The following COMMD10 variants were observed in gnomAD, a reference collection of about 807,000 sequenced individuals.
COMMD10 encodes the protein COMM domain containing 10, also known as COMM domain-containing protein 10.
In COMMD10, 33 loss-of-function variants were observed where a neutral mutation model predicts 28.9. The observed-to-expected ratio is 1.14, with a 90% CI of 0.87 to 1.53. COMMD10 has a LOEUF of 1.53. Among genes scored for constraint, COMMD10 ranks in the 40% most tolerant of loss-of-function variants. COMMD10 has a pLI of 0.00. For missense variants in COMMD10, 310 were observed against 233.4 expected, an observed-to-expected ratio of 1.33 and a Z score of -2.14; for synonymous variants, 110 against 81.7, an observed-to-expected ratio of 1.35 and a Z score of -1.87.
chr5:116,120,524 A>T (rs535335143), intron 4 of COMMD10, among the ~76,000 whole-genome samples: 1 of 152,268 alleles, frequency 6.6e-6, no homozygotes, highest in South Asian at 2.1e-4. Flanking sequence ...AATTTTTTTT[A>T]AAGATAGAGT....
intron 4 of COMMD10, among the ~76,000 whole-genome samples, chr5:116,130,583 A>G (rs1306581477): frequency 6.6e-6 from 1 of 151,962 alleles, no homozygotes; most frequent in Non-Finnish European, 1.5e-5. Flanking sequence ...TGATGCAATT[A>G]TCCAAAATTA....
chr5:116,171,374 TTGG>T (rs1225299845), intron 5 of COMMD10, among the ~76,000 whole-genome samples: 2 of 152,148 alleles, frequency 1.3e-5, no homozygotes, highest in Non-Finnish European at 1.5e-5. Flanking sequence ...TTTTACACTG[TTGG>T]TGGGAGTGTA....
intron 5 of COMMD10, among the ~76,000 whole-genome samples, chr5:116,271,614 A>G (rs1750759878): frequency 2.6e-5 from 4 of 151,774 alleles, no homozygotes; most frequent in Admixed American, 2.6e-4. Context: ...TTAAGAAGGC[A>G]TTAGTCATCT....
chr5:116,194,952 A>G (rs1437695781), intron 5 of COMMD10, among the ~76,000 whole-genome samples: 2 of 152,198 alleles, frequency 1.3e-5, no homozygotes, highest in Admixed American at 1.3e-4. Flanking sequence ...CAACATATCA[A>G]AAAGATAATC....
At chr5:116,268,434 T>G (rs1395854864) in intron 5 of COMMD10, among the ~76,000 whole-genome samples, 2 of 151,784 alleles carry the variant, frequency 1.3e-5, no homozygotes, top group Non-Finnish European at 2.9e-5. Flanking sequence ...TGGCAATCAT[T>G]AAAAAGTCAG....
At position 116,262,063 on chromosome 5, in the gene COMMD10, C is replaced by T. The variant is rs77709917; in HGVS notation, c.511-29454C>T. Among the ~76,000 whole-genome samples, 30 of 151,748 alleles carry T rather than the reference C, an allele frequency of 2.0e-4. No individual in the cohort carries two copies. The East Asian group carries it at 5.4e-3, about 27-fold the overall frequency. On this transcript the variant is annotated intron_variant, in intron 5 of 6. Coordinates refer to ENST00000274458, the MANE Select transcript of COMMD10 (RefSeq NM_016144.4). ...AGGTAAGGCACAGAGAGGTTAATTA[C>T]TTTGTTTGAGGCCACACTAATAAGT...
At chr5:116,203,406 C>T (rs1405528914) in intron 5 of COMMD10, among the ~76,000 whole-genome samples, 2 of 152,036 alleles carry the variant, frequency 1.3e-5, no homozygotes, top group Non-Finnish European at 2.9e-5. Context: ...AAAGATACTC[C>T]TTGAGAAGAG....
chr5:116,097,565 A>G (rs1462805160), intron 4 of COMMD10, among the ~76,000 whole-genome samples: 1 of 152,220 alleles, frequency 6.6e-6, no homozygotes, highest in Non-Finnish European at 1.5e-5. Flanking sequence ...GGCATTATGC[A>G]GGGTGATTTA....
intron 5 of COMMD10, among the ~76,000 whole-genome samples, chr5:116,167,434 C>T (rs1753162549): frequency 6.6e-6 from 1 of 152,032 alleles, no homozygotes; most frequent in African/African-American, 2.4e-5. Context: ...GGATGTTATC[C>T]AGAAGGACTT....
intron 1 of COMMD10, among the ~76,000 whole-genome samples, chr5:116,085,951 A>T (rs7703978): frequency 6.6e-6 from 1 of 152,122 alleles, no homozygotes; most frequent in African/African-American, 2.4e-5. Context: ...TGAACAAAGA[A>T]CTGGAGAAGA....
At chr5:116,113,946 G>A (rs1051197152) in intron 4 of COMMD10, among the ~76,000 whole-genome samples, 10 of 150,912 alleles carry the variant, frequency 6.6e-5, no homozygotes, top group Admixed American at 4.0e-4. Context: ...AGTAGACTTT[G>A]CTCCTTTATA....
At chr5:116,162,766 A>G (rs1752959311) in intron 5 of COMMD10, among the ~76,000 whole-genome samples, 1 of 152,238 alleles carries the variant, frequency 6.6e-6, no homozygotes, top group Non-Finnish European at 1.5e-5. Context: ...TAAGTGTTTT[A>G]GAGACATAGT....
intron 4 of COMMD10, among the ~76,000 whole-genome samples, chr5:116,094,615 T>G (rs937036706): frequency 6.6e-6 from 1 of 152,106 alleles, no homozygotes; most frequent in Non-Finnish European, 1.5e-5. Flanking sequence ...AGTGTGGAGA[T>G]TTCTCAAAAA....
At chr5:116,269,460 T>A (rs188681523) in intron 5 of COMMD10, among the ~76,000 whole-genome samples, 1 of 151,970 alleles carries the variant, frequency 6.6e-6, no homozygotes, top group Admixed American at 6.6e-5. Context: ...ATATTGACTT[T>A]TAGATTTCAG....
At chr5:116,274,164 T>TTA (rs1750841113) in intron 5 of COMMD10, among the ~76,000 whole-genome samples, 1 of 151,840 alleles carries the variant, frequency 6.6e-6, no homozygotes, top group African/African-American at 2.4e-5. Flanking sequence ...TACAGCAGAT[T>TTA]TATACTTCTA....
chr5:116,268,420 A>T lies in COMMD10; in HGVS notation c.511-23097A>T, dbSNP rs567867676. ...AATGAGATACCATCTCATACCAGTT[A>T]GAATGGCAATCATTAAAAAGTCAGG... is the stretch of plus-strand genomic sequence containing the variant. On this transcript the variant is annotated intron_variant, in intron 5 of 6. Transcript: ENST00000274458. Among the ~76,000 whole-genome samples, 4 of 152,054 alleles carry T rather than the reference A, an allele frequency of 2.6e-5. No individual in the cohort carries two copies. In the East Asian group the frequency reaches 7.7e-4, roughly 29 times the overall value.
chr5:116,288,178 T>G (rs1485166971), intron 5 of COMMD10, among the ~76,000 whole-genome samples: 4 of 151,886 alleles, frequency 2.6e-5, no homozygotes, highest in Non-Finnish European at 5.9e-5. Flanking sequence ...CTTCTTCACT[T>G]TTGAAGAACT....
At chr5:116,201,546 T>TG (rs1237652289) in intron 5 of COMMD10, among the ~76,000 whole-genome samples, 3 of 152,272 alleles carry the variant, frequency 2.0e-5, no homozygotes, top group Non-Finnish European at 2.9e-5. Context: ...CTCTCCAATC[T>TG]GGGGGGCAAT....
chr5:116,257,940 T>C (rs1249531952), intron 5 of COMMD10, among the ~76,000 whole-genome samples: 1 of 151,712 alleles, frequency 6.6e-6, no homozygotes, highest in Non-Finnish European at 1.5e-5. Flanking sequence ...TTTCATTATT[T>C]GGTTCTGTGC....
Sources: allele counts gnomAD v4.1 joint callset (sites outside exome capture counted in the v4.1 genomes callset), GRCh38; gene constraint gnomAD v4.1.1; transcripts MANE v1.5; gene names NCBI Gene and HGNC (gene_info 2026-07-23, HGNC 2026-07-21).